CEP126: variants seen among roughly 807,000 people sequenced by gnomAD.
The protein encoded by CEP126 is centrosomal protein 126.
A neutral mutation model predicts 107.8 loss-of-function variants in CEP126; 74 were observed. The observed-to-expected ratio is 0.69, with a 90% CI of 0.57 to 0.83. CEP126 has a LOEUF of 0.83. CEP126 is among the 40% of genes least tolerant of loss of function. The pLI is 0.00. For synonymous variants in CEP126, 449 were observed against 446.0 expected, an observed-to-expected ratio of 1.01 and a Z score of -0.08; for missense variants, 1,237 against 1,281.9, an observed-to-expected ratio of 0.96 and a Z score of 0.53.
intron 6 of CEP126, among the ~76,000 whole-genome samples, chr11:101,973,666 T>A (rs1941159308): frequency 6.6e-6 from 1 of 151,996 alleles, no homozygotes; most frequent in South Asian, 2.1e-4. Flanking sequence ...AAACTTAAAA[T>A]TTTTTTTAAA....
At chr11:101,965,879 T>C (rs1470536694) in intron 6 of CEP126, among the ~76,000 whole-genome samples, 1 of 152,188 alleles carries the variant, frequency 6.6e-6, no homozygotes, top group Non-Finnish European at 1.5e-5. Flanking sequence ...CTGTGCTTTT[T>C]CTACTAAAAT....
chr11:101,968,423 AAATG>A (rs201118632), intron 6 of CEP126, among the ~76,000 whole-genome samples: 3,246 of 152,282 alleles, frequency 0.021, 35 homozygotes, highest in African/African-American at 0.029. Flanking sequence ...ATGAAGGAAA[AAATG>A]AAGGCATTCA....
intron 4 of CEP126, chr11:101,956,543 C>T (rs1458905862): frequency 8.8e-6 from 4 of 456,492 alleles, no homozygotes; most frequent in South Asian, 4.6e-5. Flanking sequence ...GCCTTCATCT[C>T]CTTCTACTTC....
intron 4 of CEP126, chr11:101,957,009 G>A (rs975278448): frequency 2.3e-5 from 7 of 304,538 alleles, no homozygotes; most frequent in African/African-American, 1.6e-4. Flanking sequence ...AAGGGCGACT[G>A]AAGGGGAAGG....
chr11:101,941,173 G>T (rs991377339), intron 2 of CEP126, among the ~76,000 whole-genome samples: 22 of 152,052 alleles, frequency 1.4e-4, no homozygotes, highest in African/African-American at 5.3e-4. Context: ...AATCGCTTTT[G>T]TTTTCTCTGT....
At chr11:101,989,185 T>A (rs1424334643) in intron 9 of CEP126, among the ~76,000 whole-genome samples, 2 of 152,078 alleles carry the variant, frequency 1.3e-5, no homozygotes, top group East Asian at 1.9e-4. Context: ...AGAAACACAT[T>A]TCTAAATAAA....
chr11:101,917,077 C>T (rs1053500371), intron 1 of CEP126, among the ~76,000 whole-genome samples: 4 of 101,914 alleles, frequency 3.9e-5, no homozygotes, highest in African/African-American at 7.4e-5. Context: ...TGTGTGTGTG[C>T]TGGTTTATAT....
chr11:101,965,097 T>G (rs1941043951), intron 6 of CEP126, among the ~76,000 whole-genome samples: 1 of 152,252 alleles, frequency 6.6e-6, no homozygotes. Context: ...AAATTAATTC[T>G]CTATAGAATG....
intron 7 of CEP126, among the ~76,000 whole-genome samples, chr11:101,980,505 T>C (rs1030498150): frequency 6.6e-6 from 1 of 152,128 alleles, no homozygotes; most frequent in Admixed American, 6.5e-5. Context: ...ATTTTTGTCC[T>C]TTTCAGAAGC....
chr11:101,970,433 AT>A (rs1249478391), intron 6 of CEP126, among the ~76,000 whole-genome samples: 1 of 152,096 alleles, frequency 6.6e-6, no homozygotes, highest in African/African-American at 2.4e-5. Context: ...TGAGGGGAGC[AT>A]TTTTGGTGCT....
intron 2 of CEP126, among the ~76,000 whole-genome samples, chr11:101,926,328 A>G (rs1055545491): frequency 2.1e-4 from 32 of 152,216 alleles, no homozygotes; most frequent in African/African-American, 7.2e-4. Context: ...AGAGAGAACA[A>G]TATGTGAAAA....
chr11:101,988,776 A>AT (rs1555059517), intron 9 of CEP126, among the ~76,000 whole-genome samples: 2 of 117,456 alleles, frequency 1.7e-5, no homozygotes, highest in Admixed American at 1.6e-4. Flanking sequence ...ATATATGTAT[A>AT]TGTATATATA....
At chr11:101,924,227 C>A (rs1304370302) in intron 2 of CEP126, among the ~76,000 whole-genome samples, 1 of 152,108 alleles carries the variant, frequency 6.6e-6, no homozygotes, top group Non-Finnish European at 1.5e-5. Context: ...ATAAACATTT[C>A]TTTTAAAACA....
intron 10 of CEP126, among the ~76,000 whole-genome samples, chr11:101,997,249 G>C (rs997471815): frequency 9.2e-5 from 14 of 152,172 alleles, no homozygotes; most frequent in African/African-American, 3.4e-4. Context: ...TGTTGGCCAG[G>C]CAGGTCTCGA....
intron 2 of CEP126, among the ~76,000 whole-genome samples, chr11:101,925,881 C>T (rs1940400978): frequency 6.7e-6 from 1 of 149,368 alleles, no homozygotes; most frequent in African/African-American, 2.5e-5. Context: ...TCTCGAACTC[C>T]TGGACTCAAG....
chr11:101,965,771 G>A lies in CEP126; in HGVS notation c.2845+1891G>A, dbSNP rs187743781. Among the ~76,000 whole-genome samples, 5 of 152,208 alleles carry A rather than the reference G, an allele frequency of 3.3e-5. No homozygotes were observed. The East Asian group carries it at 7.7e-4, about 23-fold the overall frequency. On this transcript the variant is annotated intron_variant, in intron 6 of 10. Transcript: ENST00000263468. ...AATGCTGAGAAATAAATATTTTTAA[G>A]ACACTGTTTTGCAAAGAAGTAAGCA...
intron 2 of CEP126, among the ~76,000 whole-genome samples, chr11:101,936,271 A>G (rs1166477588): frequency 2.0e-5 from 3 of 151,992 alleles, no homozygotes; most frequent in Non-Finnish European, 4.4e-5. Flanking sequence ...AGTTTTCAGT[A>G]CAGAAGTCTT....
chr11:101,966,835 A>G (rs1353921468), intron 6 of CEP126, among the ~76,000 whole-genome samples: 2 of 151,996 alleles, frequency 1.3e-5, no homozygotes, highest in African/African-American at 4.8e-5. Context: ...ACATGGGGAT[A>G]TTGCATGATG....
chr11:101,962,699 T>C lies in CEP126; in HGVS notation c.1664T>C (p.Phe555Ser). 1 of 1,613,142 alleles carries C rather than the reference T, an allele frequency of 6.2e-7. No individual in the cohort carries two copies. The highest frequency in any genetic ancestry group is 8.5e-7 in the Non-Finnish European group (1 of 1,179,678). ...SLSNVTSNYD[F>S]VGQHKKMKYN... ...TCTAATGTAACTTCTAATTATGACT[T>C]TGTTGGCCAGCATAAGAAAATGAAA... The change falls in exon 6 of 11, where the codon TTT becomes TCT. Residue 555 changes from phenylalanine (F) to serine (S), a missense_variant. By Grantham distance (155) the Phe-to-Ser change is radical. Transcript: ENST00000263468.
Sources: allele counts gnomAD v4.1 joint callset (sites outside exome capture counted in the v4.1 genomes callset), GRCh38; gene constraint gnomAD v4.1.1; transcripts MANE v1.5; gene names NCBI Gene and HGNC (gene_info 2026-07-23, HGNC 2026-07-21).